Variants in ZSCAN25 observed in about 807,000 individuals in gnomAD.
ZSCAN25 encodes the protein zinc finger and SCAN domain containing 25.
A neutral mutation model predicts 38.7 loss-of-function variants in ZSCAN25; 27 were observed. The observed-to-expected ratio is 0.70, with a 90% CI of 0.51 to 0.96. The LOEUF (loss-of-function observed/expected upper bound fraction) is 0.96. ZSCAN25 is among the 40% of genes least tolerant of loss of function. The pLI is 0.00. For missense variants in ZSCAN25, 637 were observed against 705.9 expected, an observed-to-expected ratio of 0.90 and a Z score of 1.11; for synonymous variants, 273 against 277.7, an observed-to-expected ratio of 0.98 and a Z score of 0.17.
chr7:99,669,284 A>C, the ZSCAN25 span, among the ~76,000 whole-genome samples: 1 of 152,226 alleles, frequency 6.6e-6, no homozygotes, highest in Non-Finnish European at 1.5e-5. Context: ...TATATGCAAA[A>C]ACGTGCTGAC....
the ZSCAN25 span, chr7:99,638,826 G>T: frequency 1.4e-6 from 1 of 700,190 alleles, no homozygotes; most frequent in Non-Finnish European, 2.5e-6. Context: ...AGCCAACAAC[G>T]CCGCCGCCGC....
Position 99,619,964 on chromosome 7 carries a change from C to T in ZSCAN25, c.358C>T (p.Leu120=). ...GGCCCTGGCCGCCATGGTGGAGGAC[C>T]TGACAGAAAGAGCACTGGAGGCCAA... ...GKALAAMVED[L]TERALEAKAV... The change falls in exon 4 of 8, where the codon CTG becomes TTG. Residue 120 remains leucine, a synonymous_variant. Coordinates refer to ENST00000394152, the MANE Select transcript of ZSCAN25 (RefSeq NM_145115.3). 6.2e-7 allele frequency: 1 copy of T among 1,613,874 alleles called. No individual in the cohort carries two copies. Among genetic ancestry groups the T allele is most frequent in the Non-Finnish European group, 8.5e-7 (1 of 1,180,000 alleles).
chr7:99,621,184 A>T, intron 4 of ZSCAN25, 189 bp from the exon 5 acceptor site: 2 of 434,830 alleles, frequency 4.6e-6, no homozygotes, highest in African/African-American at 2.0e-5. Flanking sequence ...TCAGGGCCTG[A>T]TGCATGAGTT....
chr7:99,629,232 G>T lies in ZSCAN25; in HGVS notation c.847G>T (p.Asp283Tyr), dbSNP rs1807767719. The T allele has an allele frequency of 9.9e-6, 16 of 1,613,382 alleles. No homozygotes were observed. Among genetic ancestry groups the T allele is most frequent in the Non-Finnish European group, 1.4e-5 (16 of 1,179,754 alleles). Residue 283 changes from aspartate to tyrosine, a missense_variant, in exon 8 of 8, where the codon GAC becomes TAC. Transcript: ENST00000394152. The surrounding 1 kb of genome is among the most constrained non-coding windows in gnomAD (Gnocchi z 5.6). ...AAAGGAGGCAAAACCCCCACAGGAAGACCTGAAAGGGGCGCTGGTGGCACT... is the reference window on the plus strand; with the variant it reads ...AAAGGAGGCAAAACCCCCACAGGAATACCTGAAAGGGGCGCTGGTGGCACT... ...KEKEAKPPQEDLKGALVALTS... is the reference protein window; with the variant it reads ...KEKEAKPPQEYLKGALVALTS...
the ZSCAN25 span, among the ~76,000 whole-genome samples, chr7:99,646,293 C>T: frequency 1.3e-4 from 19 of 151,982 alleles, no homozygotes; most frequent in Non-Finnish European, 2.1e-4. Context: ...TTTCTTTCAT[C>T]GGTGTTTTAT....
chr7:99,672,796 G>A, the ZSCAN25 span: 13 of 1,540,098 alleles, frequency 8.4e-6, no homozygotes, highest in Admixed American at 1.6e-4. Context: ...CTAGTTGTAC[G>A]ACACACAGCA....
At chr7:99,648,494 T>G in the ZSCAN25 span, 1 of 915,154 alleles carries the variant, frequency 1.1e-6, no homozygotes, top group Non-Finnish European at 1.6e-6. Context: ...AAAAATGCTT[T>G]GCAAGCATAT....
the ZSCAN25 span, among the ~76,000 whole-genome samples, chr7:99,697,709 A>G: frequency 6.6e-6 from 1 of 152,176 alleles, no homozygotes; most frequent in African/African-American, 2.4e-5. Flanking sequence ...GTGGTAAAAT[A>G]CAACTGAGAA....
At chr7:99,729,885 TG>T in the ZSCAN25 span, among the ~76,000 whole-genome samples, 2 of 152,242 alleles carry the variant, frequency 1.3e-5, no homozygotes, top group African/African-American at 4.8e-5. Flanking sequence ...AAACATTTAT[TG>T]CTCACACAAA....
chr7:99,726,260 C>T, the ZSCAN25 span, among the ~76,000 whole-genome samples: 1 of 152,108 alleles, frequency 6.6e-6, no homozygotes, highest in Admixed American at 6.6e-5. Flanking sequence ...CGCCAGTATC[C>T]CATCCCACAA....
the ZSCAN25 span, among the ~76,000 whole-genome samples, chr7:99,682,949 T>A: frequency 6.6e-6 from 1 of 152,244 alleles, no homozygotes; most frequent in African/African-American, 2.4e-5. Flanking sequence ...CTACTGGTTT[T>A]TGTATGTTGA....
At chr7:99,644,458 T>C in the ZSCAN25 span, among the ~76,000 whole-genome samples, 2 of 152,172 alleles carry the variant, frequency 1.3e-5, no homozygotes, top group African/African-American at 4.8e-5. Context: ...TAGATAGAAA[T>C]GGGCAAGTTG....
At chr7:99,717,792 A>T in the ZSCAN25 span, among the ~76,000 whole-genome samples, 1 of 152,232 alleles carries the variant, frequency 6.6e-6, no homozygotes, top group Non-Finnish European at 1.5e-5. Context: ...AATAGGATTT[A>T]TCCCACATGC....
the ZSCAN25 span, chr7:99,717,633 C>G: frequency 6.2e-7 from 1 of 1,613,380 alleles, no homozygotes; most frequent in Non-Finnish European, 8.5e-7. Flanking sequence ...CCCACTGGCC[C>G]GAAAGGCTAG....
the ZSCAN25 span, chr7:99,660,465 C>G: frequency 1.9e-6 from 3 of 1,569,440 alleles, no homozygotes; most frequent in Non-Finnish European, 2.6e-6. Context: ...AAGGCTTCAC[C>G]TCTTCCCTTC....
chr7:99,655,556 A>G, the ZSCAN25 span, among the ~76,000 whole-genome samples: 1 of 152,226 alleles, frequency 6.6e-6, no homozygotes, highest in African/African-American at 2.4e-5. Flanking sequence ...TGACTTGGCA[A>G]TGCGGGCTCT....
Position 99,624,165 on chromosome 7 carries a change from TG to T in ZSCAN25, c.791del (p.Cys264SerfsTer21), listed in dbSNP as rs749782255. On this transcript the variant is annotated frameshift_variant, in exon 7 of 8. Transcript: ENST00000394152. LOFTEE classifies it low-confidence loss of function (END_TRUNC). Reference sequence around the variant, plus strand: ...TGGGGAGTATGTGGAACCGCAGGACTGCAGGGTCTCTCCAGGTAAGACTGTC... The same window carrying T: ...TGGGGAGTATGTGGAACCGCAGGACTCAGGGTCTCTCCAGGTAAGACTGTC... ...CFGEYVEPQD[C>X]RVSPGGGSKE... 1 of 1,613,756 alleles carries T rather than the reference TG, an allele frequency of 6.2e-7. No individual in the cohort carries two copies. Among genetic ancestry groups the T allele is most frequent in the Admixed American group, 1.7e-5 (1 of 60,024 alleles).
the ZSCAN25 span, chr7:99,663,726 A>T: frequency 4.4e-6 from 5 of 1,123,658 alleles, no homozygotes; most frequent in East Asian, 2.8e-4. Context: ...TTATCTCAAT[A>T]CTGTTTATAT....
rs750006671 is a variant in ZSCAN25 at position 99,619,807 on chromosome 7, T to A, written c.201T>A (p.Cys67Ter). The A allele has an allele frequency of 2.5e-6, 4 of 1,614,136 alleles. No homozygotes were observed. Among genetic ancestry groups the A allele is most frequent in the Non-Finnish European group, 3.4e-6 (4 of 1,180,054 alleles). The change falls in exon 4 of 8, where the codon TGT becomes TGA. Residue 67 changes from cysteine (C) to a stop codon, truncating the protein, a stop_gained. Transcript: ENST00000394152. LOFTEE classifies it high-confidence loss of function. ...CTCTTAGGGAGCTCCAGGAGCTCTG[T>A]CGTCGGTGGCTGAGGCCCGAGTTGC... is the stretch of plus-strand genomic sequence containing the variant. ...QEALRELQEL[C>*]RRWLRPELHT...
Sources: gnomAD v4.1 joint callset for allele counts (sites outside exome capture counted in the v4.1 genomes callset) on GRCh38, gnomAD v4.1.1 for gene constraint, Gnocchi (gnomAD v3.1) non-coding constraint, MANE v1.5 for transcripts, NCBI Gene and HGNC (gene_info 2026-07-23, HGNC 2026-07-21) for gene names.